The following B4GALT5 variants were observed in gnomAD, a reference collection of about 807,000 sequenced individuals.
B4GALT5 encodes the protein UDP-Gal:beta-GlcNAc beta-1,4-galactosyltransferase 5.
A neutral mutation model predicts 45.0 loss-of-function variants in B4GALT5; 11 were observed. The ratio of observed to expected loss-of-function variants is 0.24; its 90% CI spans 0.15 to 0.40. B4GALT5 has a LOEUF of 0.40. B4GALT5 is among the 10% of genes least tolerant of loss of function. The pLI, the probability that B4GALT5 is intolerant of heterozygous loss-of-function variation, is 1.00. For missense variants in B4GALT5, 337 were observed against 500.2 expected, an observed-to-expected ratio of 0.67 and a Z score of 3.11; for synonymous variants, 185 against 182.9, an observed-to-expected ratio of 1.01 and a Z score of -0.09.
At chr20:49,674,985 G>A (rs2085731618) in intron 1 of B4GALT5, among the ~76,000 whole-genome samples, 1 of 152,138 alleles carries the variant, frequency 6.6e-6, no homozygotes, top group African/African-American at 2.4e-5. Context: ...TACTGGCTAG[G>A]TGCAAAGACA....
At chr20:49,668,239 A>G (rs769432971) in intron 1 of B4GALT5, among the ~76,000 whole-genome samples, 7 of 152,176 alleles carry the variant, frequency 4.6e-5, no homozygotes, top group Non-Finnish European at 8.8e-5. Context: ...AAAAAAATCC[A>G]AGTGGTAAAA....
chr20:49,666,298 G>A (rs569405564), intron 1 of B4GALT5, among the ~76,000 whole-genome samples: 17 of 152,310 alleles, frequency 1.1e-4, no homozygotes, highest in Middle Eastern at 3.4e-3. Context: ...ATGTAGAGTG[G>A]AGGGAAAATG....
intron 8 of B4GALT5, 95 bp from the exon 9 acceptor site, chr20:49,636,554 G>T (rs1288170325): frequency 1.3e-5 from 18 of 1,365,718 alleles, no homozygotes; most frequent in African/African-American, 2.9e-5. Flanking sequence ...AGCAGAGGAC[G>T]CAACCCATGG....
chr20:49,645,410 G>A (rs2123001972), intron 3 of B4GALT5, among the ~76,000 whole-genome samples: 1 of 152,270 alleles, frequency 6.6e-6, no homozygotes, highest in East Asian at 1.9e-4. Flanking sequence ...AGTGTTTCTG[G>A]TGATGCTGGT....
chr20:49,708,876 G>A (rs1490711233), intron 1 of B4GALT5, among the ~76,000 whole-genome samples: 5 of 150,372 alleles, frequency 3.3e-5, no homozygotes, highest in Non-Finnish European at 5.9e-5. Context: ...AGGTTGCAGT[G>A]AGCTGAGATT....
At chr20:49,700,489 A>G (rs2085857164) in intron 1 of B4GALT5, among the ~76,000 whole-genome samples, 1 of 152,068 alleles carries the variant, frequency 6.6e-6, no homozygotes, top group African/African-American at 2.4e-5. Context: ...TGTAGAAACA[A>G]GTTTTCCCCC....
At chr20:49,676,062 G>C (rs2085735826) in intron 1 of B4GALT5, among the ~76,000 whole-genome samples, 1 of 147,354 alleles carries the variant, frequency 6.8e-6, no homozygotes, top group Non-Finnish European at 1.5e-5. Context: ...ACAAAGCTTG[G>C]CATTTTCGGA....
chr20:49,657,100 T>G (rs2123019368), intron 1 of B4GALT5, among the ~76,000 whole-genome samples: 1 of 152,316 alleles, frequency 6.6e-6, no homozygotes, highest in Non-Finnish European at 1.5e-5. Flanking sequence ...TAGTTCATGG[T>G]TCTTCATAGA....
chr20:49,662,609 G>A (rs1402669596), intron 1 of B4GALT5, among the ~76,000 whole-genome samples: 2 of 152,176 alleles, frequency 1.3e-5, no homozygotes, highest in African/African-American at 4.8e-5. Context: ...CTTTCTGAGA[G>A]GAACCCAAAA....
chr20:49,707,333 T>G (rs2085888461), intron 1 of B4GALT5, among the ~76,000 whole-genome samples: 1 of 151,640 alleles, frequency 6.6e-6, no homozygotes, highest in Non-Finnish European at 1.5e-5. Context: ...AACACTATAC[T>G]CAAATATGTG....
Position 49,683,142 on chromosome 20 carries a change from T to C in B4GALT5, c.116-26440A>G, listed in dbSNP as rs140103104. Among the ~76,000 whole-genome samples, 16 of 152,234 alleles carry C rather than the reference T, an allele frequency of 1.1e-4. No individual in the cohort carries two copies. The East Asian group carries it at 2.7e-3, about 26-fold the overall frequency. On this transcript the variant is annotated intron_variant, in intron 1 of 8. Transcript: ENST00000371711. ...GACATAGAAGGACGACATATGCTTA[T>C]ATACAACAAATACAAATTCTCAACT...
chr20:49,672,468 T>G (rs1428658498), intron 1 of B4GALT5, among the ~76,000 whole-genome samples: 2 of 152,212 alleles, frequency 1.3e-5, no homozygotes, highest in African/African-American at 4.8e-5. Context: ...AGATGGCTTG[T>G]CTTTTGCATA....
intron 5 of B4GALT5, among the ~76,000 whole-genome samples, chr20:49,641,563 CAGAT>C (rs2085577092): frequency 6.6e-6 from 1 of 152,180 alleles, no homozygotes; most frequent in Non-Finnish European, 1.5e-5. Flanking sequence ...TTAGGACCGG[CAGAT>C]AGACCGTTAG....
intron 1 of B4GALT5, among the ~76,000 whole-genome samples, chr20:49,683,385 A>ATTTTTTTTTTTTTTTTTTTTTTT (rs66503719): frequency 1.0e-5 from 1 of 96,630 alleles, no homozygotes; most frequent in Non-Finnish European, 2.0e-5. Flanking sequence ...ACAGGTTTAA[A>ATTTTTTTTTTTTTTTTTTTTTTT]TTTTTTTTTT....
chr20:49,699,507 C>T lies in B4GALT5; in HGVS notation c.115+14069G>A, dbSNP rs192123121. 2.1e-3 allele frequency among the ~76,000 whole-genome samples: 324 copies of T among 152,118 alleles called. 1 individual carries two copies. Among genetic ancestry groups the T allele is most frequent in the African/African-American group, 7.3e-3 (303 of 41,484 alleles). On this transcript the variant is annotated intron_variant, in intron 1 of 8. Transcript: ENST00000371711. ...TCATACAGCAGTCCTCCCTTATCTT[C>T]AAGGGATACGTTCTGAAATTCCCCA...
chr20:49,648,372 G>C (rs963183228), intron 2 of B4GALT5, among the ~76,000 whole-genome samples: 1 of 152,188 alleles, frequency 6.6e-6, no homozygotes, highest in African/African-American at 2.4e-5. Flanking sequence ...GGGTTATTAA[G>C]TCTCCAGCTC....
intron 3 of B4GALT5, among the ~76,000 whole-genome samples, chr20:49,644,934 AT>A (rs2085592889): frequency 6.6e-6 from 1 of 152,290 alleles, no homozygotes; most frequent in South Asian, 2.1e-4. Context: ...AAAAAAAACA[AT>A]TTTAAAAAAA....
rs1168164447 is a variant in B4GALT5 at position 49,634,277 on chromosome 20, C to A, written c.*2035G>T. The A allele has an allele frequency of 1.3e-5, 2 of 152,334 alleles. No homozygotes were observed. The highest frequency in any genetic ancestry group is 1.5e-5 in the Non-Finnish European group (1 of 67,984). The allele number at this position is 152,334 out of a possible 1,614,324, so 9.4% of individuals were successfully genotyped here. On this transcript the variant is annotated 3_prime_UTR_variant, in exon 9 of 9. Coordinates refer to ENST00000371711, the MANE Select transcript of B4GALT5 (RefSeq NM_004776.4). ...CATATGTCCACAGAACCATCACATG[C>A]AACGAAAAAAGCCCTAACCCACACA...
intron 3 of B4GALT5, among the ~76,000 whole-genome samples, chr20:49,645,446 TC>T (rs1254829067): frequency 2.6e-4 from 40 of 152,190 alleles, no homozygotes; most frequent in African/African-American, 9.6e-4. Context: ...GCATTGCCAG[TC>T]ATATAAAAGT....
Sources: allele counts gnomAD v4.1 joint callset (sites outside exome capture counted in the v4.1 genomes callset), GRCh38; gene constraint gnomAD v4.1.1; transcripts MANE v1.5; gene names NCBI Gene and HGNC (gene_info 2026-07-23, HGNC 2026-07-21).